Variants in MAML2 observed in about 807,000 individuals in gnomAD.
The protein encoded by MAML2 is mastermind-like protein 2.
A neutral mutation model predicts 96.1 loss-of-function variants in MAML2; 22 were observed. The ratio of observed to expected loss-of-function variants is 0.23; its 90% CI spans 0.16 to 0.33. The LOEUF is 0.33. MAML2 is among the 10% of genes least tolerant of loss of function. MAML2 has a pLI of 1.00. For missense variants in MAML2, 1,367 were observed against 1,392.4 expected, an observed-to-expected ratio of 0.98 and a Z score of 0.29; for synonymous variants, 561 against 521.3, an observed-to-expected ratio of 1.08 and a Z score of -1.04.
rs921509068 is a variant in MAML2, at chr11:96,342,158, T to A, written c.-263A>T. On this transcript the variant is annotated 5_prime_UTR_variant, in exon 1 of 5. Transcript: ENST00000524717. Reference sequence around the variant, plus strand: ...CCTGATTAACTTACTCTAATTGCATTTGACAGCTCTGGAGAAGTTGGACAG... The same window carrying A: ...CCTGATTAACTTACTCTAATTGCATATGACAGCTCTGGAGAAGTTGGACAG... 5 of 499,568 alleles carry A rather than the reference T, an allele frequency of 1.0e-5. No individual in the cohort carries two copies. The highest frequency in any genetic ancestry group is 1.8e-5 in the Non-Finnish European group (5 of 283,580). 30.9% of individuals were successfully genotyped at this position (499,568 alleles called of 1,614,324 possible).
intron 1 of MAML2, among the ~76,000 whole-genome samples, chr11:96,163,868 T>C (rs1357617000): frequency 6.6e-6 from 1 of 150,974 alleles, no homozygotes; most frequent in Non-Finnish European, 1.5e-5. Context: ...CTTTCTTTTT[T>C]TTTTTTTTTT....
intron 1 of MAML2, among the ~76,000 whole-genome samples, chr11:96,293,393 C>G (rs1689692257): frequency 6.6e-6 from 1 of 152,164 alleles, no homozygotes; most frequent in Non-Finnish European, 1.5e-5. Flanking sequence ...AATCATCCAG[C>G]AGAATGAATA....
chr11:96,197,238 G>A (rs1262143594), intron 1 of MAML2, among the ~76,000 whole-genome samples: 1 of 152,204 alleles, frequency 6.6e-6, no homozygotes, highest in African/African-American at 2.4e-5. Flanking sequence ...TATGTCCAGA[G>A]ACACATTAGC....
chr11:96,188,353 C>T (rs1008673100), intron 1 of MAML2, among the ~76,000 whole-genome samples: 2 of 152,228 alleles, frequency 1.3e-5, no homozygotes, highest in Non-Finnish European at 2.9e-5. Context: ...ACACATCTCT[C>T]TCTACCCCCA....
chr11:96,071,517 G>C (rs1184523709), intron 2 of MAML2, among the ~76,000 whole-genome samples: 3 of 152,250 alleles, frequency 2.0e-5, no homozygotes, highest in African/African-American at 7.2e-5. Context: ...CTATTTAGGA[G>C]AGCTTGTCAA....
intron 1 of MAML2, among the ~76,000 whole-genome samples, chr11:96,162,527 C>A (rs3016374): frequency 1 from 151,731 of 151,732 alleles, 75,865 homozygotes; most frequent in Middle Eastern, 1. Context: ...CAGCCTGACC[C>A]ACGTGGAGAA....
At chr11:96,241,907 T>G (rs949376029) in intron 1 of MAML2, among the ~76,000 whole-genome samples, 2 of 152,240 alleles carry the variant, frequency 1.3e-5, no homozygotes, top group African/African-American at 2.4e-5. Context: ...ATATTTTGCT[T>G]CAGTTACAAC....
chr11:95,990,006 C>T (rs1419140746), intron 3 of MAML2, among the ~76,000 whole-genome samples: 2 of 152,160 alleles, frequency 1.3e-5, no homozygotes, highest in African/African-American at 4.8e-5. Flanking sequence ...CACCCTCCAC[C>T]TACAATAGTG....
intron 1 of MAML2, among the ~76,000 whole-genome samples, chr11:96,127,536 A>G (rs898305054): frequency 2.0e-5 from 3 of 152,232 alleles, no homozygotes; most frequent in Admixed American, 1.3e-4. Context: ...AATTATTAAA[A>G]GAGTAGAAGA....
At chr11:96,228,573 G>T (rs1484307670) in intron 1 of MAML2, among the ~76,000 whole-genome samples, 1 of 152,162 alleles carries the variant, frequency 6.6e-6, no homozygotes, top group African/African-American at 2.4e-5. Flanking sequence ...GAAGATGGCC[G>T]CTGTCCACCT....
At chr11:96,149,490 G>C (rs1860884588) in intron 1 of MAML2, among the ~76,000 whole-genome samples, 1 of 150,460 alleles carries the variant, frequency 6.6e-6, no homozygotes, top group Admixed American at 6.7e-5. Context: ...CCAGCACTTT[G>C]GGAGGCCGAG....
At chr11:96,291,115 CTTTTTTTTTTTT>C (rs58889757) in intron 1 of MAML2, among the ~76,000 whole-genome samples, 8 of 69,064 alleles carry the variant, frequency 1.2e-4, no homozygotes, top group African/African-American at 4.2e-4. Flanking sequence ...TTTCACAAGC[CTTTTTTTTTTTT>C]TTTTTTTTTT....
chr11:96,238,942 G>C (rs993946630), intron 1 of MAML2, among the ~76,000 whole-genome samples: 1 of 152,216 alleles, frequency 6.6e-6, no homozygotes, highest in Non-Finnish European at 1.5e-5. Flanking sequence ...AATAGAAAAT[G>C]AAGAGGTATT....
intron 2 of MAML2, among the ~76,000 whole-genome samples, chr11:96,022,870 A>G (rs1290939334): frequency 6.6e-6 from 1 of 152,186 alleles, no homozygotes; most frequent in Non-Finnish European, 1.5e-5. Flanking sequence ...GGATGTTTGG[A>G]ACAGATGGGC....
At chr11:96,115,077 C>G (rs868840162) in intron 1 of MAML2, among the ~76,000 whole-genome samples, 6 of 151,796 alleles carry the variant, frequency 4.0e-5, no homozygotes, top group Middle Eastern at 3.4e-3. Flanking sequence ...GAATTGCATA[C>G]AAAGATCCAA....
At chr11:96,312,009 G>A (rs1234087927) in intron 1 of MAML2, among the ~76,000 whole-genome samples, 2 of 151,740 alleles carry the variant, frequency 1.3e-5, no homozygotes, top group Non-Finnish European at 1.5e-5. Context: ...GGGAGGCCGA[G>A]GCAGGTTCAA....
chr11:96,341,009 TG>T (rs1863985523), intron 1 of MAML2, among the ~76,000 whole-genome samples: 1 of 152,098 alleles, frequency 6.6e-6, no homozygotes, highest in African/African-American at 2.4e-5. Flanking sequence ...AAAAATGGCT[TG>T]GGGGCCTAAT....
At chr11:96,313,153 G>C (rs750890819) in intron 1 of MAML2, among the ~76,000 whole-genome samples, 1 of 152,112 alleles carries the variant, frequency 6.6e-6, no homozygotes, top group Non-Finnish European at 1.5e-5. Flanking sequence ...ACTGAGGTGC[G>C]GAGGTTAAAT....
intron 1 of MAML2, among the ~76,000 whole-genome samples, chr11:96,338,589 C>G (rs771134677): frequency 2.6e-5 from 4 of 152,174 alleles, no homozygotes; most frequent in Non-Finnish European, 4.4e-5. Context: ...AAATATTACC[C>G]ACTGTCTTCA....
Sources: gnomAD v4.1 joint callset for allele counts (sites outside exome capture counted in the v4.1 genomes callset) on GRCh38, gnomAD v4.1.1 for gene constraint, MANE v1.5 for transcripts, NCBI Gene and HGNC (gene_info 2026-07-23, HGNC 2026-07-21) for gene names.